The following GLMN variants were observed in gnomAD, a reference collection of about 807,000 sequenced individuals.
The protein encoded by GLMN is glomulin, FKBP associated protein, also known as glomulin.
A neutral mutation model predicts 87.8 loss-of-function variants in GLMN; 75 were observed. That is an observed-to-expected ratio of 0.85 (90% CI 0.71 to 1.04). GLMN has a LOEUF of 1.04. GLMN is among the 50% of genes least tolerant of loss of function. The pLI, the probability that GLMN is intolerant of heterozygous loss-of-function variation, is 0.00. For missense variants in GLMN, 588 were observed against 658.8 expected, an observed-to-expected ratio of 0.89 and a Z score of 1.18; for synonymous variants, 206 against 221.6, an observed-to-expected ratio of 0.93 and a Z score of 0.63.
chr1:92,355,653 T>C, the GLMN span, among the ~76,000 whole-genome samples: 1 of 152,192 alleles, frequency 6.6e-6, no homozygotes, highest in South Asian at 2.1e-4. Flanking sequence ...ATGCCTTCTC[T>C]TTCTAGTGCA....
chr1:92,360,947 A>G, the GLMN span, among the ~76,000 whole-genome samples: 2 of 152,006 alleles, frequency 1.3e-5, no homozygotes, highest in African/African-American at 2.4e-5. Flanking sequence ...TACAGCCACT[A>G]TGTTTAATTA....
the GLMN span, among the ~76,000 whole-genome samples, chr1:92,312,600 C>T: frequency 7.9e-5 from 12 of 152,188 alleles, no homozygotes; most frequent in Admixed American, 5.2e-4. Flanking sequence ...GCTGTATATC[C>T]GTTCAAGTTG....
rs571530587 is a variant in GLMN, at chr1:92,264,439, T to C, written c.1299+115A>G. ...GGGGAAAAAATATGCCTTAATAATATTTAAGTAATAGTAATACTAGAGATA... is the reference window on the plus strand; with the variant it reads ...GGGGAAAAAATATGCCTTAATAATACTTAAGTAATAGTAATACTAGAGATA... On this transcript the variant is annotated intron_variant, in intron 14 of 18. Coordinates refer to ENST00000370360, the MANE Select transcript of GLMN (RefSeq NM_053274.3). 7 of 639,990 alleles carry C rather than the reference T, an allele frequency of 1.1e-5. No homozygotes were observed. The East Asian group carries it at 2.0e-4, about 18-fold the overall frequency. 39.6% of individuals were successfully genotyped at this position (639,990 alleles called of 1,614,324 possible).
the GLMN span, chr1:92,320,593 T>C: frequency 6.2e-7 from 1 of 1,610,642 alleles, no homozygotes; most frequent in Non-Finnish European, 8.5e-7. Flanking sequence ...TGTGTTCTTA[T>C]TACAGGCATC....
chr1:92,311,865 G>C, the GLMN span, among the ~76,000 whole-genome samples: 1 of 151,920 alleles, frequency 6.6e-6, no homozygotes, highest in African/African-American at 2.4e-5. Flanking sequence ...ATATTTTATT[G>C]CTTAAAGATG....
the GLMN span, among the ~76,000 whole-genome samples, chr1:92,364,245 T>C: frequency 6.6e-6 from 1 of 152,158 alleles, no homozygotes; most frequent in Admixed American, 6.5e-5. Flanking sequence ...CCATCTATTA[T>C]AGGTATGGAG....
intron 16 of GLMN, among the ~76,000 whole-genome samples, chr1:92,262,227 T>C (rs995567542): frequency 3.9e-5 from 6 of 152,198 alleles, no homozygotes; most frequent in Non-Finnish European, 8.8e-5. Context: ...ATTCAGGTAG[T>C]TCTAGCTAAT....
At chr1:92,283,093 T>C (rs778178828) in intron 7 of GLMN, among the ~76,000 whole-genome samples, 5 of 151,900 alleles carry the variant, frequency 3.3e-5, no homozygotes, top group East Asian at 1.9e-4. Context: ...TTCCAATCAA[T>C]AGAAAAAGAG....
chr1:92,289,233 C>A lies in GLMN; in HGVS notation c.395-82G>T, dbSNP rs1649125159. ...TCGGCAAATGTGGAATTATAAGACA[C>A]TTCCTCCTCCCACATTTTAACAACT... On this transcript the variant is annotated intron_variant, in intron 5 of 18. Coordinates refer to ENST00000370360, the MANE Select transcript of GLMN (RefSeq NM_053274.3). 5.0e-6 allele frequency: 4 copies of A among 804,556 alleles called. No homozygotes were observed. In the African/African-American group the frequency reaches 6.7e-5, roughly 13 times the overall value. 49.8% of individuals were successfully genotyped at this position (804,556 alleles called of 1,614,324 possible). A position where few individuals can be genotyped will look rare whatever the true frequency, so the allele number is the denominator to read the frequency against.
chr1:92,272,485 T>G (rs1479530804), intron 7 of GLMN, among the ~76,000 whole-genome samples: 1 of 152,218 alleles, frequency 6.6e-6, no homozygotes, highest in Non-Finnish European at 1.5e-5. Context: ...ATGAATTTTA[T>G]GTATATTTCA....
chr1:92,266,268 A>T, intron 13 of GLMN, 151 bp downstream of exon 13: 1 of 684,326 alleles, frequency 1.5e-6, no homozygotes, highest in Non-Finnish European at 2.7e-6. Flanking sequence ...CCCTTTCTCT[A>T]GCCATCACTG....
chr1:92,257,920 A>C (rs1319821211), intron 16 of GLMN, among the ~76,000 whole-genome samples: 1 of 152,202 alleles, frequency 6.6e-6, no homozygotes, highest in Non-Finnish European at 1.5e-5. Context: ...AATGGGATCT[A>C]ATTAAACTAA....
chr1:92,280,815 A>C (rs1419604808), intron 7 of GLMN, among the ~76,000 whole-genome samples: 1 of 152,202 alleles, frequency 6.6e-6, no homozygotes, highest in Non-Finnish European at 1.5e-5. Flanking sequence ...GAACTTCATG[A>C]CGCATGCACA....
intron 4 of GLMN, among the ~76,000 whole-genome samples, chr1:92,290,699 G>C (rs72958768): frequency 0.022 from 3,424 of 152,218 alleles, 157 homozygotes; most frequent in African/African-American, 0.077. Flanking sequence ...ATTGCTTTCT[G>C]ACTGGCCATA....
upstream of GLMN, among the ~76,000 whole-genome samples, chr1:92,300,762 T>C (rs926288383): frequency 6.6e-6 from 1 of 152,252 alleles, no homozygotes; most frequent in Non-Finnish European, 1.5e-5. Flanking sequence ...AATCTTATAT[T>C]GGCTTTGGTC....
chr1:92,317,976 C>T, the GLMN span, among the ~76,000 whole-genome samples: 1 of 152,158 alleles, frequency 6.6e-6, no homozygotes, highest in Non-Finnish European at 1.5e-5. Context: ...CCGTCTCTGA[C>T]CACAACCTCT....
chr1:92,271,392 T>C, intron 8 of GLMN, 73 bp downstream of exon 8: 1 of 1,075,826 alleles, frequency 9.3e-7, no homozygotes, highest in Non-Finnish European at 1.4e-6. Context: ...ATGCATATAT[T>C]GGACATTAGA....
At chr1:92,366,545 A>G in the GLMN span, among the ~76,000 whole-genome samples, 2 of 152,154 alleles carry the variant, frequency 1.3e-5, no homozygotes, top group Non-Finnish European at 2.9e-5. Context: ...TTGGGGAGGA[A>G]GCCAGGGGCC....
the GLMN span, among the ~76,000 whole-genome samples, chr1:92,343,316 C>A: frequency 6.6e-6 from 1 of 152,174 alleles, no homozygotes; most frequent in Non-Finnish European, 1.5e-5. Flanking sequence ...TTAATCCTCA[C>A]AAGAACCCTG....
Sources: gnomAD v4.1 joint callset for allele counts (sites outside exome capture counted in the v4.1 genomes callset) on GRCh38, gnomAD v4.1.1 for gene constraint, MANE v1.5 for transcripts, NCBI Gene and HGNC (gene_info 2026-07-23, HGNC 2026-07-21) for gene names.